STK33: variants seen among roughly 807,000 people sequenced by gnomAD.
STK33 encodes the protein serine/threonine-protein kinase 33.
A neutral mutation model predicts 58.0 loss-of-function variants in STK33; 52 were observed. That is an observed-to-expected ratio of 0.90 (90% confidence interval 0.72 to 1.13). STK33 has a LOEUF of 1.13. Ranked by LOEUF, STK33 falls within the 50% of genes most tolerant of loss-of-function variation. The pLI is 0.00. For missense variants in STK33, 630 were observed against 604.2 expected (o/e 1.04, Z -0.45); for synonymous variants, 215 against 200.1 (o/e 1.07, Z -0.63).
At chr11:8,409,911 C>T (rs1281066851) in intron 15 of STK33, among the ~76,000 whole-genome samples, 1 of 151,934 alleles carries the variant, frequency 6.6e-6, no homozygotes, top group East Asian at 1.9e-4. Flanking sequence ...TAGAGACTTG[C>T]CGAACATCAT....
chr11:8,516,409 A>C (rs1412471282), intron 1 of STK33, among the ~76,000 whole-genome samples: 1 of 152,246 alleles, frequency 6.6e-6, no homozygotes, highest in African/African-American at 2.4e-5. Flanking sequence ...GCACAGCTCC[A>C]GTCTGCAGCT....
At chr11:8,592,873 C>G (rs1047890279) in intron 1 of STK33, among the ~76,000 whole-genome samples, 4 of 152,010 alleles carry the variant, frequency 2.6e-5, no homozygotes, top group Non-Finnish European at 5.9e-5. Context: ...TGCTGCAGGG[C>G]AAAGAATGGA....
At chr11:8,559,523 C>G (rs1273299638) in intron 1 of STK33, among the ~76,000 whole-genome samples, 1 of 152,180 alleles carries the variant, frequency 6.6e-6, no homozygotes, top group Non-Finnish European at 1.5e-5. Flanking sequence ...CAGTTTAGTA[C>G]GTCATGCAAA....
At chr11:8,431,573 C>T (rs1257457942) in intron 14 of STK33, among the ~76,000 whole-genome samples, 2 of 152,138 alleles carry the variant, frequency 1.3e-5, no homozygotes, top group African/African-American at 4.8e-5. Context: ...AGGAGAGGAA[C>T]CGTTTTATTC....
intron 1 of STK33, among the ~76,000 whole-genome samples, chr11:8,539,820 C>T (rs575191516): frequency 9.9e-5 from 15 of 152,130 alleles, no homozygotes; most frequent in South Asian, 8.3e-4. Flanking sequence ...AACTGTAGTA[C>T]GTAAATAGGA....
rs190272382 is a variant in STK33, at chr11:8,399,599, G to C, written c.1345-6889C>G. Among the ~76,000 whole-genome samples the C allele has an allele frequency of 3.5e-3, 536 of 152,068 alleles. 3 individuals are homozygous for C. The highest frequency in any genetic ancestry group is 0.012 in the African/African-American group (511 of 41,466). The stretch of plus-strand genomic sequence containing the variant: ...AAACACATTCAAAAGCTAGCAGAAG[G>C]CAAGAAATAACTAAGATCAGAGCAG... On this transcript the variant is annotated intron_variant, in intron 15 of 15. Transcript: ENST00000687296.
intron 1 of STK33, among the ~76,000 whole-genome samples, chr11:8,590,540 T>C (rs1006561822): frequency 1.3e-5 from 2 of 152,192 alleles, no homozygotes; most frequent in Non-Finnish European, 2.9e-5. Context: ...GACAAGTCAA[T>C]GGTTAAGAAA....
Position 8,461,912 on chromosome 11 carries a change from T to TA in STK33, c.454-4dup, listed in dbSNP as rs1207755153. On this transcript the variant is annotated splice_region_variant and splice_polypyrimidine_tract_variant and intron_variant, in intron 7 of 15. Transcript: ENST00000687296. ...AACTTCACAGCAGAGCTTCCAGCCTTAATCAATGAAGAAACACAGATTTCA... is the reference window on the plus strand; with the variant it reads ...AACTTCACAGCAGAGCTTCCAGCCTTAAATCAATGAAGAAACACAGATTTCA... 1.3e-6 allele frequency: 2 copies of TA among 1,574,354 alleles called. No individual in the cohort carries two copies. Among genetic ancestry groups the TA allele is most frequent in the Admixed American group, 3.9e-5 (2 of 51,878 alleles).
At chr11:8,349,626 G>A in the STK33 span, among the ~76,000 whole-genome samples, 1 of 152,240 alleles carries the variant, frequency 6.6e-6, no homozygotes, top group African/African-American at 2.4e-5. Flanking sequence ...CCAGTTGTCT[G>A]GAGTTGACAT....
chr11:8,385,264 G>A, the STK33 span, among the ~76,000 whole-genome samples: 2 of 152,326 alleles, frequency 1.3e-5, no homozygotes, highest in East Asian at 3.9e-4. Context: ...TTACACAGAA[G>A]ACAAACGGAT....
chr11:8,344,796 C>T, the STK33 span, among the ~76,000 whole-genome samples: 1 of 152,356 alleles, frequency 6.6e-6, no homozygotes, highest in South Asian at 2.1e-4. Context: ...GCTGATGACC[C>T]TGGAGGTGGG....
downstream of STK33, among the ~76,000 whole-genome samples, chr11:8,391,406 TC>T (rs1463704324): frequency 1.3e-5 from 2 of 152,200 alleles, no homozygotes; most frequent in African/African-American, 4.8e-5. Context: ...GCCAGTGCTA[TC>T]TTTGACTCAT....
At chr11:8,387,976 G>A (rs1848567423), downstream of STK33, among the ~76,000 whole-genome samples, 1 of 152,200 alleles carries the variant, frequency 6.6e-6, no homozygotes, top group South Asian at 2.1e-4. Context: ...TATGGCCCCT[G>A]TATCAATGCC....
At chr11:8,384,389 G>A in the STK33 span, among the ~76,000 whole-genome samples, 1,731 of 152,268 alleles carry the variant, frequency 0.011, 35 homozygotes, top group African/African-American at 0.04. Context: ...AGCAGACCGT[G>A]AAAGGGAAAC....
intron 1 of STK33, chr11:8,555,251 G>A (rs1031377009): frequency 6.6e-6 from 1 of 152,226 alleles, no homozygotes; most frequent in Non-Finnish European, 1.5e-5. Flanking sequence ...GAGGCTGAGG[G>A]GAATAGGAGG....
chr11:8,414,658 A>G (rs1321880123), intron 14 of STK33, among the ~76,000 whole-genome samples: 2 of 152,170 alleles, frequency 1.3e-5, no homozygotes, highest in Non-Finnish European at 2.9e-5. Context: ...GACAAACACT[A>G]AATATGGAAT....
At chr11:8,548,031 A>T in intron 1 of STK33, among the ~76,000 whole-genome samples, 1 of 132,682 alleles carries the variant, frequency 7.5e-6, no homozygotes. Context: ...GGGAGGGGGG[A>T]GGGATAGCAT....
intron 14 of STK33, among the ~76,000 whole-genome samples, chr11:8,423,001 C>CCTGAATGGTATTGCCTA (rs1564916322): frequency 5.4e-5 from 8 of 148,364 alleles, no homozygotes; most frequent in South Asian, 2.1e-4. Context: ...CCACCATGCC[C>CCTGAATGGTATTGCCTA]GGCTGATTTT....
In STK33 at chr11:8,435,550, C is replaced by A; in HGVS notation, c.1090G>T (p.Val364Leu). ...AKSVLKQLMK[V>L]DPAHRITAKE... The stretch of plus-strand genomic sequence containing the variant: ...GCTGTGATTCTGTGAGCAGGATCTA[C>A]TTTCATAAGTTGTTTCAAAACACTT... The change falls in exon 14 of 16, where the codon GTA (valine) becomes TTA (leucine). Residue 364 changes from valine to leucine, a missense_variant. Coordinates refer to ENST00000687296, the MANE Select transcript of STK33 (RefSeq NM_001352389.2). 6.6e-7 allele frequency: 1 copy of A among 1,508,752 alleles called. No homozygotes were observed. The highest frequency in any genetic ancestry group is 8.9e-7 in the Non-Finnish European group (1 of 1,119,334). The allele number at this position is 1,508,752 out of a possible 1,614,324, so 93.5% of individuals were successfully genotyped here. A position where few individuals can be genotyped will look rare whatever the true frequency, so the allele number is the denominator to read the frequency against.
Sources: gnomAD v4.1 joint callset for allele counts (sites outside exome capture counted in the v4.1 genomes callset) on GRCh38, gnomAD v4.1.1 for gene constraint, MANE v1.5 for transcripts, NCBI Gene and HGNC (gene_info 2026-07-23, HGNC 2026-07-21) for gene names.